Variants in ZNF148 observed in about 807,000 individuals in gnomAD.
ZNF148 encodes Beta-Enolase Repressor Factor-1.
In ZNF148, 7 loss-of-function variants were observed where a neutral mutation model predicts 67.7. That is an observed-to-expected ratio of 0.10 (90% CI 0.06 to 0.19). ZNF148 has a LOEUF of 0.19. ZNF148 is among the 10% of genes least tolerant of loss of function. The pLI is 1.00. For missense variants in ZNF148, 583 were observed against 947.1 expected (o/e 0.62, Z 5.05); for synonymous variants, 333 against 330.7 (o/e 1.01, Z -0.08).
chr3:125,357,457 G>A (rs905715495), intron 1 of ZNF148, among the ~76,000 whole-genome samples: 1 of 152,166 alleles, frequency 6.6e-6, no homozygotes, highest in Non-Finnish European at 1.5e-5. Flanking sequence ...GCAAAAGCCC[G>A]TCCTCCCCCC....
chr3:125,242,006 A>G (rs771530941), intron 7 of ZNF148, among the ~76,000 whole-genome samples: 8 of 152,188 alleles, frequency 5.3e-5, no homozygotes, highest in Non-Finnish European at 1.0e-4. Context: ...ATCTTCTGCG[A>G]ACTGTCTGCT....
intron 3 of ZNF148, among the ~76,000 whole-genome samples, chr3:125,319,369 C>T (rs559295134): frequency 1.3e-5 from 2 of 152,174 alleles, no homozygotes; most frequent in Non-Finnish European, 2.9e-5. Flanking sequence ...GTCCAAAACT[C>T]GGGGAACTGT....
intron 7 of ZNF148, among the ~76,000 whole-genome samples, chr3:125,275,040 A>T (rs533873947): frequency 5.9e-5 from 9 of 152,222 alleles, no homozygotes; most frequent in Non-Finnish European, 1.0e-4. Flanking sequence ...ATGGAGACCT[A>T]TTTGTGGTTC....
chr3:125,271,571 T>C (rs561156629), intron 7 of ZNF148, among the ~76,000 whole-genome samples: 4 of 152,314 alleles, frequency 2.6e-5, no homozygotes, highest in South Asian at 4.1e-4. Context: ...AAGAGCTAGA[T>C]TGTTATTTAC....
chr3:125,296,913 GAC>G (rs1939312469), intron 4 of ZNF148, among the ~76,000 whole-genome samples: 1 of 150,960 alleles, frequency 6.6e-6, no homozygotes, highest in Non-Finnish European at 1.5e-5. Flanking sequence ...CACAAATATA[GAC>G]ACAGCAAATT....
Position 125,227,967 on chromosome 3 carries a change from TTGTC to T in ZNF148, c.*4370_*4373del. ...CTACTCACTTGAAACTATAATAGGT[TTGTC>T]TTTCTTTGTATTGAAGTTGAATAAA... On this transcript the variant is annotated 3_prime_UTR_variant, in exon 9 of 9. Transcript: ENST00000360647. 6.5e-6 allele frequency: 1 copy of T among 152,726 alleles called. No individual in the cohort carries two copies. Among genetic ancestry groups the T allele is most frequent in the Middle Eastern group, 3.4e-3 (1 of 294 alleles). The allele number at this position is 152,726 out of a possible 1,614,324, so 9.5% of individuals were successfully genotyped here. A position where few individuals can be genotyped will look rare whatever the true frequency, so the allele number is the denominator to read the frequency against.
chr3:125,264,487 G>C (rs926841653), intron 7 of ZNF148, among the ~76,000 whole-genome samples: 4 of 152,186 alleles, frequency 2.6e-5, no homozygotes, highest in Non-Finnish European at 4.4e-5. Flanking sequence ...ACAGATCATA[G>C]TAATTGGTAC....
chr3:125,277,871 T>C, intron 6 of ZNF148, 62 bp from the exon 7 acceptor site: 1 of 1,372,392 alleles, frequency 7.3e-7, no homozygotes, highest in East Asian at 2.5e-5. Context: ...TTAGTTACTG[T>C]TTCTGAGGAA....
chr3:125,279,297 G>A, intron 5 of ZNF148, 50 bp from the exon 6 acceptor site: 2 of 1,370,464 alleles, frequency 1.5e-6, no homozygotes, highest in Non-Finnish European at 1.9e-6. Flanking sequence ...TTTTTAAAAT[G>A]TAATTAAATA....
chr3:125,290,831 G>A (rs1938970230), intron 4 of ZNF148, among the ~76,000 whole-genome samples: 1 of 152,114 alleles, frequency 6.6e-6, no homozygotes, highest in Non-Finnish European at 1.5e-5. Context: ...GAGAATAAGG[G>A]TAGAAATTCA....
intron 3 of ZNF148, among the ~76,000 whole-genome samples, chr3:125,318,732 A>AATC (rs1227373371): frequency 6.6e-6 from 1 of 152,182 alleles, no homozygotes; most frequent in Non-Finnish European, 1.5e-5. Context: ...AGTGAGAGGC[A>AATC]ATCCTTCCTC....
intron 5 of ZNF148, among the ~76,000 whole-genome samples, chr3:125,285,485 A>C (rs1266201732): frequency 1.3e-5 from 2 of 152,182 alleles, no homozygotes; most frequent in Admixed American, 6.6e-5. Flanking sequence ...AAAACAGTCC[A>C]AAACCATTCC....
chr3:125,247,317 A>G (rs922043297), intron 7 of ZNF148, among the ~76,000 whole-genome samples: 3 of 152,220 alleles, frequency 2.0e-5, no homozygotes, highest in Non-Finnish European at 2.9e-5. Flanking sequence ...AAGAAAGTTT[A>G]AAAAATTATT....
intron 1 of ZNF148, among the ~76,000 whole-genome samples, chr3:125,349,132 C>A (rs1942049943): frequency 6.6e-6 from 1 of 152,094 alleles, no homozygotes; most frequent in Non-Finnish European, 1.5e-5. Context: ...TGTAAAACTC[C>A]TAGAAGAAAA....
intron 1 of ZNF148, among the ~76,000 whole-genome samples, chr3:125,351,009 A>G (rs1379811053): frequency 6.6e-6 from 1 of 152,170 alleles, no homozygotes; most frequent in Non-Finnish European, 1.5e-5. Context: ...AGGAGCAGAA[A>G]GTAAAACAAT....
At chr3:125,291,622 C>T (rs1002521236) in intron 4 of ZNF148, among the ~76,000 whole-genome samples, 1 of 152,102 alleles carries the variant, frequency 6.6e-6, no homozygotes, top group African/African-American at 2.4e-5. Flanking sequence ...TTATAGTCTC[C>T]CTGACACTAC....
chr3:125,315,278 T>A (rs1282004487), intron 3 of ZNF148, among the ~76,000 whole-genome samples: 1 of 152,160 alleles, frequency 6.6e-6, no homozygotes. Flanking sequence ...AAAAACTCCA[T>A]ATCCTTAATA....
intron 1 of ZNF148, among the ~76,000 whole-genome samples, chr3:125,362,696 A>C (rs1942582058): frequency 6.6e-6 from 1 of 151,980 alleles, no homozygotes; most frequent in South Asian, 2.1e-4. Context: ...CTGGGACTAC[A>C]AGTGCGCGCC....
intron 7 of ZNF148, among the ~76,000 whole-genome samples, chr3:125,251,723 T>C (rs1415819491): frequency 1.3e-5 from 2 of 152,208 alleles, no homozygotes; most frequent in African/African-American, 4.8e-5. Context: ...GAAATCTGGG[T>C]TGTTTCCTCA....
Sources: gnomAD v4.1 joint callset for allele counts (sites outside exome capture counted in the v4.1 genomes callset) on GRCh38, gnomAD v4.1.1 for gene constraint, MANE v1.5 for transcripts, NCBI Gene and HGNC (gene_info 2026-07-23, HGNC 2026-07-21) for gene names.